The following YPEL1 variants were observed in gnomAD, a reference collection of about 807,000 sequenced individuals.
The protein encoded by YPEL1 is yippee like 1, also known as protein yippee-like 1.
In YPEL1, 7 loss-of-function variants were observed where a neutral mutation model predicts 17.3. The ratio of observed to expected loss-of-function variants is 0.40; its 90% confidence interval spans 0.23 to 0.76. The LOEUF is 0.76. YPEL1 is among the 30% of genes least tolerant of loss of function. The pLI, the probability that YPEL1 is intolerant of heterozygous loss-of-function variation, is 0.35. For synonymous variants in YPEL1, 59 were observed against 59.6 expected (o/e 0.99, Z 0.05); for missense variants, 91 against 155.5 (o/e 0.59, Z 2.21).
intron 1 of YPEL1, among the ~76,000 whole-genome samples, chr22:21,720,865 G>A (rs1216755380): frequency 6.9e-6 from 1 of 144,958 alleles, no homozygotes; most frequent in Admixed American, 7.1e-5. Context: ...CTGGAGTGCA[G>A]TGGTGTGATC....
At chr22:21,717,166 A>T (rs975472266) in intron 1 of YPEL1, among the ~76,000 whole-genome samples, 12 of 151,966 alleles carry the variant, frequency 7.9e-5, no homozygotes, top group South Asian at 2.1e-4. Context: ...TCACAAGGTC[A>T]GGAGTTCGAG....
At chr22:21,730,802 C>T (rs925825358) in intron 1 of YPEL1, among the ~76,000 whole-genome samples, 5 of 152,190 alleles carry the variant, frequency 3.3e-5, no homozygotes, top group Non-Finnish European at 7.3e-5. Flanking sequence ...TCTGTAGACT[C>T]CCCACCAGCC....
At chr22:21,702,695 C>T (rs972976263) in intron 4 of YPEL1, among the ~76,000 whole-genome samples, 3 of 151,966 alleles carry the variant, frequency 2.0e-5, no homozygotes, top group African/African-American at 7.3e-5. Context: ...GGGTCAAAAC[C>T]ATGGAATCTC....
intron 1 of YPEL1, among the ~76,000 whole-genome samples, chr22:21,712,804 TA>T (rs908616157): frequency 6.0e-5 from 9 of 151,134 alleles, no homozygotes; most frequent in East Asian, 1.9e-4. Flanking sequence ...TAGAATATGT[TA>T]AAAAAAACTC....
At chr22:21,704,263 T>C in intron 2 of YPEL1, 1 of 700,452 alleles carries the variant, frequency 1.4e-6, no homozygotes, top group Non-Finnish European at 2.7e-6. Flanking sequence ...CTCAAAATGC[T>C]CTCCTCGCCG....
rs763585499 is a variant in YPEL1, at chr22:21,701,118, A to G, written c.*11T>C. ...AAAACAGCATTCAAAGGAGAAGGGA[A>G]AGTTCGCACATTACTCCCAGCCATT... On this transcript the variant is annotated 3_prime_UTR_variant, in exon 5 of 5. Transcript: ENST00000339468. The G allele has an allele frequency of 1.6e-5, 25 of 1,610,136 alleles. No homozygotes were observed. Among genetic ancestry groups the G allele is most frequent in the Admixed American group, 3.3e-5 (2 of 59,900 alleles).
Position 21,700,294 on chromosome 22 carries a change from TTCA to T in YPEL1, c.*832_*834del, listed in dbSNP as rs2068052187. 1.3e-5 allele frequency: 2 copies of T among 152,220 alleles called. No individual in the cohort carries two copies. The highest frequency in any genetic ancestry group is 2.9e-5 in the Non-Finnish European group (2 of 68,042). The allele number at this position is 152,220 out of a possible 1,614,324, so 9.4% of individuals were successfully genotyped here. On this transcript the variant is annotated 3_prime_UTR_variant, in exon 5 of 5. Coordinates refer to ENST00000339468, the MANE Select transcript of YPEL1 (RefSeq NM_013313.5). ...CTAAAGAGACCCTGTCCCTGTGGTCTTCAGAGACTCAGTCTGGTTCTCTCTTGT... is the reference window on the plus strand; with the variant it reads ...CTAAAGAGACCCTGTCCCTGTGGTCTGAGACTCAGTCTGGTTCTCTCTTGT...
chr22:21,721,045 A>T (rs2068276855), intron 1 of YPEL1, among the ~76,000 whole-genome samples: 1 of 151,578 alleles, frequency 6.6e-6, no homozygotes. Context: ...TCCTGGCCTC[A>T]AGTGATCTGT....
At chr22:21,727,749 C>T (rs1178668732) in intron 1 of YPEL1, among the ~76,000 whole-genome samples, 1 of 152,204 alleles carries the variant, frequency 6.6e-6, no homozygotes, top group Non-Finnish European at 1.5e-5. Context: ...TTTTCAACCA[C>T]CCCACTGGGT....
chr22:21,701,088 T>C lies in YPEL1; in HGVS notation c.*41A>G. The C allele has an allele frequency of 6.4e-7, 1 of 1,566,152 alleles. No homozygotes were observed. Among genetic ancestry groups the C allele is most frequent in the South Asian group, 1.1e-5 (1 of 89,760 alleles). ...CGTTTCCATTACATTCACAGTTTCTTTCACAAAACAGCATTCAAAGGAGAA... is the reference window on the plus strand; with the variant it reads ...CGTTTCCATTACATTCACAGTTTCTCTCACAAAACAGCATTCAAAGGAGAA... On this transcript the variant is annotated 3_prime_UTR_variant, in exon 5 of 5. Coordinates refer to ENST00000339468, the MANE Select transcript of YPEL1 (RefSeq NM_013313.5).
chr22:21,725,589 A>G (rs2068327634), intron 1 of YPEL1, among the ~76,000 whole-genome samples: 1 of 152,112 alleles, frequency 6.6e-6, no homozygotes. Flanking sequence ...GGTAGAAAAA[A>G]AATCACTGAC....
At chr22:21,709,128 G>A (rs1298997983) in intron 2 of YPEL1, among the ~76,000 whole-genome samples, 2 of 152,164 alleles carry the variant, frequency 1.3e-5, no homozygotes, top group Non-Finnish European at 2.9e-5. Context: ...CAGTGCTCAG[G>A]TCACCTGCTT....
chr22:21,735,598 G>C lies in YPEL1; in HGVS notation c.-165+17C>G, dbSNP rs980127875. 4 of 151,756 alleles carry C rather than the reference G, an allele frequency of 2.6e-5. No homozygotes were observed. The highest frequency in any genetic ancestry group is 4.4e-5 in the Non-Finnish European group (3 of 67,912). The allele number at this position is 151,756 out of a possible 1,614,324, so 9.4% of individuals were successfully genotyped here. On this transcript the variant is annotated intron_variant, in intron 1 of 4. Transcript: ENST00000339468. ...GTAACCGCCCGCGCAGCTGCAGCCAGGCCCGCCCGTACTCACGGCCGCTCC... is the reference window on the plus strand; with the variant it reads ...GTAACCGCCCGCGCAGCTGCAGCCACGCCCGCCCGTACTCACGGCCGCTCC...
At chr22:21,713,954 G>T (rs893221767) in intron 1 of YPEL1, among the ~76,000 whole-genome samples, 2 of 152,136 alleles carry the variant, frequency 1.3e-5, no homozygotes, top group African/African-American at 4.8e-5. Flanking sequence ...AAGAGCAAGG[G>T]TTTCCCCAAA....
At position 21,711,000 on chromosome 22, in the gene YPEL1, C is replaced by T. The variant is rs563859427; in HGVS notation, c.-164-92G>A. ...GATTCATGTGTTGTGAAGCAACACGCGGGGTGGGGGGGTGGCAGGACTAGA... is the reference window on the plus strand; with the variant it reads ...GATTCATGTGTTGTGAAGCAACACGTGGGGTGGGGGGGTGGCAGGACTAGA... On this transcript the variant is annotated intron_variant, in intron 1 of 4. Coordinates refer to ENST00000339468, the MANE Select transcript of YPEL1 (RefSeq NM_013313.5). 1.0e-4 allele frequency: 38 copies of T among 373,000 alleles called. No individual in the cohort carries two copies. In the East Asian group the frequency reaches 1.7e-3, roughly 16 times the overall value. 23.1% of individuals were successfully genotyped at this position (373,000 alleles called of 1,614,324 possible). A position where few individuals can be genotyped will look rare whatever the true frequency, so the allele number is the denominator to read the frequency against.
intron 4 of YPEL1, among the ~76,000 whole-genome samples, chr22:21,702,525 G>T (rs1175540009): frequency 6.6e-6 from 1 of 152,168 alleles, no homozygotes; most frequent in Non-Finnish European, 1.5e-5. Flanking sequence ...AGGCAGGCCG[G>T]GCGCGGTGGC....
chr22:21,720,738 C>T (rs1231324336), intron 1 of YPEL1, among the ~76,000 whole-genome samples: 1 of 150,624 alleles, frequency 6.6e-6, no homozygotes, highest in East Asian at 2.0e-4. Context: ...GATCCACCCG[C>T]CTTGGCCTCC....
intron 4 of YPEL1, among the ~76,000 whole-genome samples, chr22:21,702,240 T>C (rs889257490): frequency 2.0e-5 from 3 of 151,930 alleles, no homozygotes; most frequent in Admixed American, 2.0e-4. Flanking sequence ...GGTGCAGCCA[T>C]AGAGGGGAAT....
Position 21,710,670 on chromosome 22 carries a change from G to A in YPEL1, c.75C>T (p.His25=), listed in dbSNP as rs2068155288. The A allele has an allele frequency of 1.2e-6, 2 of 1,614,262 alleles. No homozygotes were observed. Among genetic ancestry groups the A allele is most frequent in the South Asian group, 1.1e-5 (1 of 91,092 alleles). ...CATGATTGGCCAGGTGTGCTCTGCAGTGGATACAGCTGTACGTTCGGTGAC... is the reference window on the plus strand; with the variant it reads ...CATGATTGGCCAGGTGTGCTCTGCAATGGATACAGCTGTACGTTCGGTGAC... The part of the protein sequence containing the change: ...PNCHRTYSCI[H]CRAHLANHDE... Residue 25 remains histidine (H), a synonymous_variant, in exon 2 of 5, where the codon CAC becomes CAT. Coordinates refer to ENST00000339468, the MANE Select transcript of YPEL1 (RefSeq NM_013313.5).
Sources: gnomAD v4.1 joint callset for allele counts (sites outside exome capture counted in the v4.1 genomes callset) on GRCh38, gnomAD v4.1.1 for gene constraint, MANE v1.5 for transcripts, NCBI Gene and HGNC (gene_info 2026-07-23, HGNC 2026-07-21) for gene names.